Variants in KIAA1549L observed in about 807,000 individuals in gnomAD.
KIAA1549L encodes the protein UPF0606 protein KIAA1549L.
In KIAA1549L, 88 loss-of-function variants were observed where a neutral mutation model predicts 160.7. The observed-to-expected ratio is 0.55, with a 90% CI of 0.46 to 0.65. KIAA1549L has a LOEUF of 0.65. Ranked by LOEUF, KIAA1549L falls within the 30% of genes least tolerant of loss-of-function variation. The pLI is 0.00. For synonymous variants in KIAA1549L, 950 were observed against 976.7 expected (o/e 0.97, Z 0.51); for missense variants, 2,258 against 2,437.5 (o/e 0.93, Z 1.55).
intron 1 of KIAA1549L, among the ~76,000 whole-genome samples, chr11:33,536,036 AG>A (rs1256344191): frequency 1.3e-5 from 2 of 152,250 alleles, no homozygotes; most frequent in Non-Finnish European, 2.9e-5. Context: ...TTATGTATAA[AG>A]CAAAATTATT....
chr11:33,398,930 C>A (rs1293361671), intron 1 of KIAA1549L, among the ~76,000 whole-genome samples: 2 of 146,222 alleles, frequency 1.4e-5, no homozygotes, highest in Non-Finnish European at 3.0e-5. Context: ...GAATTTTTGG[C>A]TCCTTTCACT....
chr11:33,451,613 C>T (rs184369645), intron 1 of KIAA1549L, among the ~76,000 whole-genome samples: 23 of 152,346 alleles, frequency 1.5e-4, no homozygotes, highest in African/African-American at 4.8e-4. Context: ...AAGGGTTGTT[C>T]TGATCTTGTC....
At chr11:33,526,592 C>T (rs989712240) in intron 1 of KIAA1549L, among the ~76,000 whole-genome samples, 2 of 152,214 alleles carry the variant, frequency 1.3e-5, no homozygotes, top group Admixed American at 6.5e-5. Flanking sequence ...TGCAGTCTGT[C>T]TCTCAGGAAG....
rs1853738705 is a variant in KIAA1549L, at chr11:33,530,439, ATATATATATATATATATAT to A, written c.239-11362_239-11344del. On this transcript the variant is annotated intron_variant, in intron 1 of 20. Transcript: ENST00000658780. Reference sequence around the variant, plus strand: ...GAAAAAAAAAAAAAAAAAAAAAAATATATATATATATATATATATATATATATATATATATATATATATA... The same window carrying A: ...GAAAAAAAAAAAAAAAAAAAAAAATAATATATATATATATATATATATATA... Among the ~76,000 whole-genome samples the A allele has an allele frequency of 1.3e-3, 5 of 3,744 alleles. 1 individual carries two copies. The highest frequency in any genetic ancestry group is 6.2e-3 in the East Asian group (1 of 162). 2.5% of individuals were successfully genotyped at this position (3,744 alleles called of 152,430 possible).
intron 6 of KIAA1549L, among the ~76,000 whole-genome samples, chr11:33,552,520 A>C (rs1854496681): frequency 6.6e-6 from 1 of 152,138 alleles, no homozygotes; most frequent in South Asian, 2.1e-4. Flanking sequence ...ACTAGGCTGT[A>C]CTGTATATGT....
chr11:33,413,810 C>T (rs1415724734), intron 1 of KIAA1549L, among the ~76,000 whole-genome samples: 1 of 152,186 alleles, frequency 6.6e-6, no homozygotes. Context: ...TTCTATAGCA[C>T]ACCGAGGTCC....
intron 16 of KIAA1549L, among the ~76,000 whole-genome samples, chr11:33,636,798 C>T (rs962023716): frequency 9.2e-5 from 14 of 152,248 alleles, no homozygotes; most frequent in African/African-American, 2.9e-4. Context: ...TTACTCTCCA[C>T]GATTTCAGGC....
intron 19 of KIAA1549L, 32 bp downstream of exon 19, chr11:33,658,930 C>T (rs1469749932): frequency 4.6e-6 from 7 of 1,521,610 alleles, no homozygotes; most frequent in Non-Finnish European, 6.2e-6. Flanking sequence ...GTGTGCCCCC[C>T]ACCACTGCTG....
At chr11:33,492,919 G>T (rs1423521118) in intron 1 of KIAA1549L, among the ~76,000 whole-genome samples, 1 of 152,046 alleles carries the variant, frequency 6.6e-6, no homozygotes, top group Non-Finnish European at 1.5e-5. Flanking sequence ...GAGGGAGGAG[G>T]GGGAGTGATA....
chr11:33,480,498 G>A (rs531739105), intron 1 of KIAA1549L, among the ~76,000 whole-genome samples: 19 of 152,308 alleles, frequency 1.2e-4, no homozygotes, highest in African/African-American at 4.3e-4. Context: ...AAGTTTTTGT[G>A]TGGATGGATG....
intron 13 of KIAA1549L, among the ~76,000 whole-genome samples, chr11:33,603,258 C>T (rs2133314009): frequency 9.2e-6 from 1 of 108,140 alleles, no homozygotes; most frequent in East Asian, 3.9e-4. Context: ...AAGAATGGAG[C>T]TTCTAGTCTA....
Position 33,543,370 on chromosome 11 carries a change from A to G in KIAA1549L, c.1807A>G (p.Ser603Gly). Residue 603 changes from serine (S) to glycine (G), a missense_variant, in exon 2 of 21, where the codon AGC (serine) becomes GGC (glycine). Physicochemically the swap from Ser to Gly is moderately conservative, Grantham distance 56. Around this residue, in one of 6 missense-constraint regions of KIAA1549L, gnomAD observed 540 missense variants for 465.7 expected, o/e 1.16. Coordinates refer to ENST00000658780, the MANE Select transcript of KIAA1549L (RefSeq NM_012194.3). ...HTVNGFVSDF[S>G]TGSVSSPIIT... is the part of the protein sequence containing the mutation. ...TGTAAATGGATTTGTCTCTGATTTCAGCACCGGTAGTGTCTCATCTCCCAT... is the reference window on the plus strand; with the variant it reads ...TGTAAATGGATTTGTCTCTGATTTCGGCACCGGTAGTGTCTCATCTCCCAT... 1 of 1,614,034 alleles carries G rather than the reference A, an allele frequency of 6.2e-7. No individual in the cohort carries two copies. The highest frequency in any genetic ancestry group is 8.5e-7 in the Non-Finnish European group (1 of 1,179,896).
intron 1 of KIAA1549L, among the ~76,000 whole-genome samples, chr11:33,536,187 A>G (rs1036244495): frequency 1.3e-5 from 2 of 152,230 alleles, no homozygotes; most frequent in African/African-American, 4.8e-5. Context: ...TTACAGTACA[A>G]CAAGCCACCC....
At chr11:33,487,426 G>A (rs79994081) in intron 1 of KIAA1549L, among the ~76,000 whole-genome samples, 1 of 135,990 alleles carries the variant, frequency 7.4e-6, no homozygotes, top group African/African-American at 2.8e-5. Context: ...TTTTTTTTTG[G>A]TCTATTCTTG....
intron 1 of KIAA1549L, among the ~76,000 whole-genome samples, chr11:33,379,403 C>T (rs1300920212): frequency 6.6e-6 from 1 of 152,120 alleles, no homozygotes; most frequent in East Asian, 1.9e-4. Flanking sequence ...CTCCTAACTT[C>T]CATCTCCGTC....
chr11:33,542,423 T>C lies in KIAA1549L; in HGVS notation c.860T>C (p.Ile287Thr), dbSNP rs372574005. The C allele has an allele frequency of 1.8e-5, 28 of 1,574,158 alleles. No individual in the cohort carries two copies. In the South Asian group the frequency reaches 3.3e-4, roughly 19 times the overall value. Residue 287 changes from isoleucine to threonine, a missense_variant, in exon 2 of 21, where the codon ATA becomes ACA. Physicochemically the swap from Ile to Thr is moderately conservative, Grantham distance 89. Transcript: ENST00000658780. Reference protein sequence around the residue: ...APADPSLGQNIANPLIPFSDE... With the variant: ...APADPSLGQNTANPLIPFSDE... ...GCCGACCCCTCTTTAGGTCAGAACA[T>C]AGCTAATCCCTTAATCCCATTTTCT...
intron 13 of KIAA1549L, among the ~76,000 whole-genome samples, chr11:33,602,173 G>A (rs796862232): frequency 1.3e-5 from 2 of 152,124 alleles, no homozygotes; most frequent in Non-Finnish European, 2.9e-5. Flanking sequence ...CACTGGTAGG[G>A]CTCAGAATCT....
chr11:33,434,620 GC>G (rs994835035), intron 1 of KIAA1549L, among the ~76,000 whole-genome samples: 1 of 152,148 alleles, frequency 6.6e-6, no homozygotes, highest in Non-Finnish European at 1.5e-5. Context: ...CCTGTTCTGG[GC>G]CCCACTCAAA....
At chr11:33,459,830 G>A (rs1225462146) in intron 1 of KIAA1549L, among the ~76,000 whole-genome samples, 3 of 149,220 alleles carry the variant, frequency 2.0e-5, no homozygotes, top group East Asian at 1.9e-4. Flanking sequence ...GCGTAGTGGC[G>A]GGCGCCTGTA....
Sources: gnomAD v4.1 joint callset for allele counts (sites outside exome capture counted in the v4.1 genomes callset) on GRCh38, gnomAD v4.1.1 for gene constraint, gnomAD v4.1.1 regional missense constraint, MANE v1.5 for transcripts, NCBI Gene and HGNC (gene_info 2026-07-23, HGNC 2026-07-21) for gene names.